Variants in USP48 observed in about 807,000 individuals in gnomAD.
USP48 encodes the protein ubiquitin carboxyl-terminal hydrolase 48.
A neutral mutation model predicts 150.7 loss-of-function variants in USP48; 43 were observed. The observed-to-expected ratio is 0.29, with a 90% CI of 0.22 to 0.37. The LOEUF is 0.37. USP48 is among the 10% of genes least tolerant of loss of function. The pLI, the probability that USP48 is intolerant of heterozygous loss-of-function variation, is 1.00. For synonymous variants in USP48, 396 were observed against 425.9 expected (o/e 0.93, Z 0.86); for missense variants, 813 against 1,249.6 (o/e 0.65, Z 5.27).
chr1:21,715,236 T>C (rs537598663), intron 15 of USP48, 153 bp downstream of exon 15: 2 of 541,544 alleles, frequency 3.7e-6, no homozygotes, highest in African/African-American at 3.9e-5. Context: ...AGAAGTTTCT[T>C]TTCCAATGAT....
At chr1:21,773,366 T>C (rs954476018) in intron 1 of USP48, among the ~76,000 whole-genome samples, 2 of 144,050 alleles carry the variant, frequency 1.4e-5, no homozygotes, top group African/African-American at 5.2e-5. Context: ...AAATGGCAAG[T>C]AAATATAAAA....
intron 16 of USP48, 23 bp from the exon 17 acceptor site, chr1:21,706,612 A>T (rs748595568): frequency 6.2e-7 from 1 of 1,614,106 alleles, no homozygotes; most frequent in Admixed American, 1.7e-5. Flanking sequence ...GAAGCAATCA[A>T]CTGTCTCCTG....
chr1:21,743,711 A>C (rs2097787251), intron 8 of USP48, among the ~76,000 whole-genome samples: 1 of 152,192 alleles, frequency 6.6e-6, no homozygotes, highest in Non-Finnish European at 1.5e-5. Context: ...GCACAAAAGG[A>C]GGCTTCCGGG....
At position 21,701,099 on chromosome 1, in the gene USP48, G is replaced by A. The variant is rs1161875395; in HGVS notation, c.2727+399C>T. 6.0e-5 allele frequency among the ~76,000 whole-genome samples: 9 copies of A among 150,452 alleles called. No homozygotes were observed. In the East Asian group the frequency reaches 1.7e-3, roughly 29 times the overall value. The stretch of plus-strand genomic sequence containing the variant: ...AAAAAAAAAAAGGCCGGGTGCGGTG[G>A]CTCCTGCCTGTAATCTCAGCACTTT... On this transcript the variant is annotated intron_variant, in intron 22 of 26. Transcript: ENST00000308271.
chr1:21,708,166 A>G lies in USP48; in HGVS notation c.1964-1298T>C, dbSNP rs1279153545. Reference sequence around the variant, plus strand: ...CAACAGAGAGAGACGCCATCTCAAAAAAACAAAACAAAACAACACAAAACA... The same window carrying G: ...CAACAGAGAGAGACGCCATCTCAAAGAAACAAAACAAAACAACACAAAACA... On this transcript the variant is annotated intron_variant, in intron 15 of 26. Coordinates refer to ENST00000308271, the MANE Select transcript of USP48 (RefSeq NM_032236.8). 7.2e-5 allele frequency among the ~76,000 whole-genome samples: 11 copies of G among 152,222 alleles called. No individual in the cohort carries two copies. In the East Asian group the frequency reaches 2.1e-3, roughly 29 times the overall value.
At chr1:21,704,133 G>C (rs1431207868) in intron 20 of USP48, 129 bp downstream of exon 20, 1 of 1,002,522 alleles carries the variant, frequency 1.0e-6, no homozygotes, top group Admixed American at 2.7e-5. Context: ...TGATTATAAT[G>C]AGAGTTTCCA....
intron 15 of USP48, 52 bp downstream of exon 15, chr1:21,715,337 A>T (rs780617583): frequency 1.4e-6 from 2 of 1,434,886 alleles, no homozygotes; most frequent in Non-Finnish European, 1.9e-6. Context: ...AGTAGAAGCT[A>T]AAAGTAAAAA....
intron 1 of USP48, among the ~76,000 whole-genome samples, chr1:21,772,548 G>A (rs147826517): frequency 2.0e-5 from 3 of 151,500 alleles, no homozygotes; most frequent in Admixed American, 6.6e-5. Flanking sequence ...GTGTGAACCC[G>A]GGAGGCGGAG....
chr1:21,713,515 G>A (rs2097696065), intron 15 of USP48, among the ~76,000 whole-genome samples: 2 of 152,174 alleles, frequency 1.3e-5, no homozygotes, highest in African/African-American at 4.8e-5. Context: ...GAAATGACAT[G>A]ATAAGAGGTG....
intron 8 of USP48, among the ~76,000 whole-genome samples, chr1:21,737,089 G>A (rs548640338): frequency 2.0e-4 from 31 of 152,206 alleles, no homozygotes; most frequent in Admixed American, 2.0e-3. Flanking sequence ...AAAAACTGAC[G>A]GCAAGTCATG....
At chr1:21,750,410 C>T (rs1184915384) in intron 6 of USP48, among the ~76,000 whole-genome samples, 2 of 152,114 alleles carry the variant, frequency 1.3e-5, no homozygotes, top group African/African-American at 2.4e-5. Context: ...CATTGCCCAG[C>T]GCCACATTCC....
chr1:21,746,552 G>C (rs1019105984), intron 8 of USP48, among the ~76,000 whole-genome samples: 1 of 152,106 alleles, frequency 6.6e-6, no homozygotes, highest in African/African-American at 2.4e-5. Flanking sequence ...TGTTTGGTAG[G>C]ATGAAGACTA....
At chr1:21,749,244 C>T (rs943806576) in intron 6 of USP48, among the ~76,000 whole-genome samples, 1 of 152,042 alleles carries the variant, frequency 6.6e-6, no homozygotes, top group Non-Finnish European at 1.5e-5. Flanking sequence ...TCCAGGATAC[C>T]ACACTCACTG....
At chr1:21,775,127 C>A (rs2097894396) in intron 1 of USP48, among the ~76,000 whole-genome samples, 1 of 152,066 alleles carries the variant, frequency 6.6e-6, no homozygotes, top group Non-Finnish European at 1.5e-5. Context: ...CAGGGTCTTG[C>A]TCTATCGCCC....
At chr1:21,782,127 G>C (rs920914508) in intron 1 of USP48, 1 of 152,142 alleles carries the variant, frequency 6.6e-6, no homozygotes, top group Non-Finnish European at 1.5e-5. Flanking sequence ...AAAAACTATA[G>C]TTCCCGCGTT....
At chr1:21,736,116 A>G (rs2097768416) in intron 9 of USP48, among the ~76,000 whole-genome samples, 1 of 151,824 alleles carries the variant, frequency 6.6e-6, no homozygotes, top group Admixed American at 6.6e-5. Flanking sequence ...GACAAAAAAA[A>G]TTTTGTCAGG....
rs183768191 is a variant in USP48, at chr1:21,734,232, C to T, written c.1171+2214G>A. ...TGGGGAACCCAGGGAGACTCTGTCT[C>T]TGTAACAAATTACAAAATTAGCCAG... On this transcript the variant is annotated intron_variant, in intron 9 of 26. Transcript: ENST00000308271. Among the ~76,000 whole-genome samples the T allele has an allele frequency of 2.6e-4, 39 of 152,218 alleles. 1 individual carries two copies. The highest frequency in any genetic ancestry group is 8.9e-4 in the African/African-American group (37 of 41,530).
At chr1:21,681,001 T>C (rs1352077558) in intron 25 of USP48, 167 bp from the exon 26 acceptor site, 6 of 578,430 alleles carry the variant, frequency 1.0e-5, no homozygotes, top group Non-Finnish European at 1.8e-5. Flanking sequence ...CAGAACAATC[T>C]TTGTTTCTGT....
At chr1:21,779,425 T>A (rs116539600) in intron 1 of USP48, among the ~76,000 whole-genome samples, 9,885 of 151,692 alleles carry the variant, frequency 0.065, 424 homozygotes, top group Non-Finnish European at 0.095. Flanking sequence ...TGGGCGTCTG[T>A]AATCCCAGTG....
Sources: gnomAD v4.1 joint callset for allele counts (sites outside exome capture counted in the v4.1 genomes callset) on GRCh38, gnomAD v4.1.1 for gene constraint, MANE v1.5 for transcripts, NCBI Gene and HGNC (gene_info 2026-07-23, HGNC 2026-07-21) for gene names.